Variants in MEIS2 observed in about 807,000 individuals in gnomAD.
The protein encoded by MEIS2 is Meis homeobox 2.
MEIS2 carries 9 observed loss-of-function variants against 58.6 expected under a neutral mutation model. That is an observed-to-expected ratio of 0.15 (90% CI 0.09 to 0.27). MEIS2 has a LOEUF of 0.27. Ranked by LOEUF, MEIS2 falls within the 10% of genes least tolerant of loss-of-function variation. The pLI is 1.00. For missense variants in MEIS2, 427 were observed against 635.0 expected (o/e 0.67, Z 3.52); for synonymous variants, 221 against 228.4 (o/e 0.97, Z 0.29).
chr15:37,098,738 T>C (rs1894712669), intron 1 of MEIS2, among the ~76,000 whole-genome samples: 1 of 151,688 alleles, frequency 6.6e-6, no homozygotes, highest in African/African-American at 2.4e-5. Context: ...CCCCTTCGCC[T>C]CCTCTGAGGA....
At chr15:37,084,033 T>G in intron 6 of MEIS2, 148 bp from the exon 7 acceptor site, 1 of 622,642 alleles carries the variant, frequency 1.6e-6, no homozygotes, top group South Asian at 2.1e-5. Context: ...TGTTATGGTG[T>G]GCTGTCTTTT....
intron 9 of MEIS2, among the ~76,000 whole-genome samples, chr15:36,922,116 C>T (rs909482449): frequency 4.6e-5 from 7 of 152,144 alleles, no homozygotes; most frequent in African/African-American, 9.7e-5. Flanking sequence ...CACAGGATAA[C>T]GCAGCACATA....
intron 9 of MEIS2, among the ~76,000 whole-genome samples, chr15:36,920,331 TAG>T: frequency 6.6e-6 from 1 of 152,200 alleles, no homozygotes; most frequent in East Asian, 1.9e-4. Context: ...GTATTTTTAG[TAG>T]ACAGGGTTTC....
chr15:37,017,111 CTTTG>C (rs2061375427), intron 8 of MEIS2, among the ~76,000 whole-genome samples: 1 of 152,134 alleles, frequency 6.6e-6, no homozygotes, highest in African/African-American at 2.4e-5. Flanking sequence ...CCTCCAATCT[CTTTG>C]TAATAAGGAT....
chr15:36,935,042 T>C (rs1479894977), intron 9 of MEIS2, among the ~76,000 whole-genome samples: 1 of 152,228 alleles, frequency 6.6e-6, no homozygotes, highest in Non-Finnish European at 1.5e-5. Flanking sequence ...GTTCACTCGC[T>C]GCCCTGGGTC....
At chr15:37,099,289 C>A in intron 1 of MEIS2, 166 bp downstream of exon 1, 1 of 1,486,518 alleles carries the variant, frequency 6.7e-7, no homozygotes, top group Non-Finnish European at 9.0e-7. Flanking sequence ...CGCAGAGGCA[C>A]GGGAGGGAAA....
At chr15:37,071,358 A>G (rs962574439) in intron 7 of MEIS2, among the ~76,000 whole-genome samples, 5 of 152,100 alleles carry the variant, frequency 3.3e-5, no homozygotes, top group Non-Finnish European at 7.4e-5. Flanking sequence ...TCTGCTTCCA[A>G]CTAGAAGTCC....
chr15:37,030,194 C>T (rs2061857406), intron 8 of MEIS2, among the ~76,000 whole-genome samples: 1 of 152,158 alleles, frequency 6.6e-6, no homozygotes, highest in South Asian at 2.1e-4. Flanking sequence ...CCCATTTCTT[C>T]TCCACCTTCC....
chr15:36,947,228 T>C (rs2058599683), intron 9 of MEIS2, among the ~76,000 whole-genome samples: 1 of 151,996 alleles, frequency 6.6e-6, no homozygotes, highest in Non-Finnish European at 1.5e-5. Context: ...TTCACTCCTT[T>C]CCTGAAGCAC....
intron 8 of MEIS2, among the ~76,000 whole-genome samples, chr15:37,030,757 C>T (rs532710784): frequency 2.0e-5 from 3 of 151,842 alleles, no homozygotes; most frequent in Non-Finnish European, 4.4e-5. Context: ...GGCTCCACCT[C>T]ATACTGCCAA....
At chr15:37,041,076 G>C (rs1159744735) in intron 7 of MEIS2, among the ~76,000 whole-genome samples, 1 of 152,168 alleles carries the variant, frequency 6.6e-6, no homozygotes, top group East Asian at 1.9e-4. Context: ...ATCTGGCCTG[G>C]GCCTTATTCA....
intron 9 of MEIS2, among the ~76,000 whole-genome samples, chr15:36,900,574 C>T (rs939462761): frequency 6.6e-6 from 1 of 152,116 alleles, no homozygotes; most frequent in South Asian, 2.1e-4. Context: ...AATCACGAGG[C>T]CTTTCTGACT....
chr15:36,955,990 A>T (rs2058949921), intron 8 of MEIS2, among the ~76,000 whole-genome samples: 1 of 144,314 alleles, frequency 6.9e-6, no homozygotes. Flanking sequence ...ATCCTGGCTA[A>T]CACGGTGAAA....
At chr15:36,900,774 A>G (rs2056428365) in intron 9 of MEIS2, among the ~76,000 whole-genome samples, 1 of 152,174 alleles carries the variant, frequency 6.6e-6, no homozygotes. Context: ...TTCTTTAAAG[A>G]CTTTTTACTC....
At chr15:37,020,204 C>T (rs1021550008) in intron 8 of MEIS2, among the ~76,000 whole-genome samples, 6 of 152,036 alleles carry the variant, frequency 3.9e-5, no homozygotes, top group African/African-American at 1.2e-4. Flanking sequence ...CTCTACAAAG[C>T]GTGTATTAAT....
intron 8 of MEIS2, among the ~76,000 whole-genome samples, chr15:36,986,708 CT>C (rs2060104341): frequency 1.3e-5 from 2 of 152,316 alleles, no homozygotes; most frequent in South Asian, 2.1e-4. Flanking sequence ...CTTCTAGGAT[CT>C]GCTGACCCCC....
At chr15:37,073,334 T>A (rs1018394243) in intron 7 of MEIS2, among the ~76,000 whole-genome samples, 2 of 151,880 alleles carry the variant, frequency 1.3e-5, no homozygotes, top group Non-Finnish European at 2.9e-5. Flanking sequence ...GCTCCCCCTA[T>A]AACTGAGTAC....
intron 8 of MEIS2, among the ~76,000 whole-genome samples, chr15:37,026,859 T>C (rs1286373396): frequency 6.6e-6 from 1 of 152,208 alleles, no homozygotes; most frequent in Non-Finnish European, 1.5e-5. Context: ...AGAAAAATTA[T>C]CTGCCATTAT....
intron 9 of MEIS2, among the ~76,000 whole-genome samples, chr15:36,931,534 T>G (rs2057978135): frequency 1.3e-5 from 2 of 152,230 alleles, no homozygotes; most frequent in Non-Finnish European, 1.5e-5. Context: ...TGATGCTTGC[T>G]TTTTAGAAGC....
Sources: allele counts gnomAD v4.1 joint callset (sites outside exome capture counted in the v4.1 genomes callset), GRCh38; gene constraint gnomAD v4.1.1; transcripts MANE v1.5; gene names NCBI Gene and HGNC (gene_info 2026-07-23, HGNC 2026-07-21).